WWOX: variants seen among roughly 807,000 people sequenced by gnomAD.
The protein encoded by WWOX is WW domain-containing oxidoreductase.
WWOX carries 69 observed loss-of-function variants against 46.2 expected under a neutral mutation model. The ratio of observed to expected loss-of-function variants is 1.49; its 90% CI spans 1.23 to 1.82. The LOEUF is 1.82. WWOX is among the 40% of genes most tolerant of loss of function. The pLI is 0.00. For synonymous variants in WWOX, 359 were observed against 202.6 expected (o/e 1.77, Z -6.56); for missense variants, 919 against 542.6 (o/e 1.69, Z -6.89).
At chr16:78,818,852 A>G (rs535041856) in intron 8 of WWOX, among the ~76,000 whole-genome samples, 132 of 152,282 alleles carry the variant, frequency 8.7e-4, no homozygotes, top group African/African-American at 3.1e-3. Context: ...TATTGGCAGA[A>G]ATTCGTTAGC....
At chr16:78,725,339 C>CTTTTTTTTTTTTT (rs921746316) in intron 8 of WWOX, among the ~76,000 whole-genome samples, 9 of 86,784 alleles carry the variant, frequency 1.0e-4, no homozygotes, top group East Asian at 3.3e-4. Flanking sequence ...CTTTTCTTTT[C>CTTTTTTTTTTTTT]TTTTCTTTTT....
At chr16:79,077,334 G>A (rs1238320773) in intron 8 of WWOX, 1 of 152,140 alleles carries the variant, frequency 6.6e-6, no homozygotes, top group African/African-American at 2.4e-5. Flanking sequence ...ACAGGGCATG[G>A]AAAGCAAACA....
intron 8 of WWOX, among the ~76,000 whole-genome samples, chr16:78,868,766 A>G (rs962160658): frequency 6.6e-6 from 1 of 152,214 alleles, no homozygotes; most frequent in Non-Finnish European, 1.5e-5. Context: ...TCTAAAATTC[A>G]CATGCCCCTA....
At chr16:78,606,490 G>A (rs2045760582) in intron 8 of WWOX, among the ~76,000 whole-genome samples, 1 of 151,976 alleles carries the variant, frequency 6.6e-6, no homozygotes, top group Non-Finnish European at 1.5e-5. Context: ...CCCTGCTCCT[G>A]CTATGTCCGG....
chr16:78,773,105 G>C (rs73573774), intron 8 of WWOX, among the ~76,000 whole-genome samples: 3 of 152,352 alleles, frequency 2.0e-5, no homozygotes, highest in African/African-American at 7.2e-5. Context: ...TCAGTGGCTA[G>C]TGAGTGGCTA....
intron 5 of WWOX, among the ~76,000 whole-genome samples, chr16:78,241,443 T>A (rs72790026): frequency 0.043 from 6,587 of 152,136 alleles, 302 homozygotes; most frequent in East Asian, 0.23. Flanking sequence ...GTTTGTTTGT[T>A]TTGAGAGGGA....
At chr16:78,936,379 AC>A (rs2045737850) in intron 8 of WWOX, among the ~76,000 whole-genome samples, 1 of 152,016 alleles carries the variant, frequency 6.6e-6, no homozygotes, top group Non-Finnish European at 1.5e-5. Context: ...CCCAAAACTA[AC>A]CCAAGCTTTG....
intron 8 of WWOX, among the ~76,000 whole-genome samples, chr16:78,840,573 G>T (rs1405799325): frequency 6.6e-6 from 1 of 152,040 alleles, no homozygotes; most frequent in Non-Finnish European, 1.5e-5. Flanking sequence ...TACACAGTTT[G>T]TAAGTCTTAA....
intron 8 of WWOX, among the ~76,000 whole-genome samples, chr16:78,608,930 A>C (rs766590388): frequency 1.3e-5 from 2 of 152,210 alleles, no homozygotes; most frequent in Non-Finnish European, 2.9e-5. Flanking sequence ...GAAACGATTT[A>C]ACTAGCAGCA....
chr16:78,865,683 C>T (rs1024564497), intron 8 of WWOX, among the ~76,000 whole-genome samples: 1 of 152,090 alleles, frequency 6.6e-6, no homozygotes, highest in Non-Finnish European at 1.5e-5. Flanking sequence ...AGTTCGACAC[C>T]AGCCTGGCCA....
intron 8 of WWOX, among the ~76,000 whole-genome samples, chr16:78,749,632 G>T (rs1431756913): frequency 1.3e-5 from 2 of 152,290 alleles, no homozygotes; most frequent in East Asian, 3.9e-4. Context: ...ATGAATTAGG[G>T]TGGAGGAAGT....
At chr16:79,077,856 C>G (rs564848146) in intron 8 of WWOX, 2 of 152,288 alleles carry the variant, frequency 1.3e-5, no homozygotes, top group South Asian at 2.1e-4. Context: ...GGATCGTTCA[C>G]TAGTGTTCTG....
intron 8 of WWOX, among the ~76,000 whole-genome samples, chr16:78,845,641 A>C (rs995978539): frequency 6.6e-6 from 1 of 152,212 alleles, no homozygotes; most frequent in Admixed American, 6.5e-5. Flanking sequence ...ACAAGGCAAA[A>C]AATAACTCCA....
At chr16:78,755,218 A>G (rs1047041178) in intron 8 of WWOX, among the ~76,000 whole-genome samples, 15 of 138,958 alleles carry the variant, frequency 1.1e-4, no homozygotes, top group Admixed American at 8.1e-4. Context: ...AGTGAAAGGA[A>G]AAAAAAAAGT....
chr16:78,690,616 GGC>G (rs1250799157), intron 8 of WWOX, among the ~76,000 whole-genome samples: 2 of 151,896 alleles, frequency 1.3e-5, no homozygotes, highest in Non-Finnish European at 2.9e-5. Context: ...GTGGAAATAG[GGC>G]ACACACATGA....
chr16:79,131,550 G>A (rs1252854141), intron 8 of WWOX, among the ~76,000 whole-genome samples: 1 of 152,150 alleles, frequency 6.6e-6, no homozygotes, highest in Non-Finnish European at 1.5e-5. Flanking sequence ...GGGACACCCA[G>A]GAGCCAGTAA....
chr16:78,481,805 T>C (rs1215959348), intron 8 of WWOX, among the ~76,000 whole-genome samples: 1 of 151,452 alleles, frequency 6.6e-6, no homozygotes, highest in Non-Finnish European at 1.5e-5. Flanking sequence ...ATAAGAGCTG[T>C]GTTTGTGAAA....
intron 8 of WWOX, among the ~76,000 whole-genome samples, chr16:78,949,511 G>A (rs902901743): frequency 1.3e-5 from 2 of 152,176 alleles, no homozygotes; most frequent in Non-Finnish European, 2.9e-5. Context: ...GGGATGATGA[G>A]TGTGTTCAGA....
chr16:78,522,810 G>A (rs893472342), intron 8 of WWOX, among the ~76,000 whole-genome samples: 1 of 152,204 alleles, frequency 6.6e-6, no homozygotes, highest in African/African-American at 2.4e-5. Flanking sequence ...AGTGGCTCAC[G>A]CCTGTAATCA....
Sources: gnomAD v4.1 joint callset for allele counts (sites outside exome capture counted in the v4.1 genomes callset) on GRCh38, gnomAD v4.1.1 for gene constraint, MANE v1.5 for transcripts, NCBI Gene and HGNC (gene_info 2026-07-23, HGNC 2026-07-21) for gene names.